The following KRT85 variants were observed in gnomAD, a reference collection of about 807,000 sequenced individuals.
KRT85 encodes keratin, type II cuticular Hb5.
KRT85 carries 39 observed loss-of-function variants against 53.7 expected under a neutral mutation model. That is an observed-to-expected ratio of 0.73 (90% CI 0.56 to 0.95). KRT85 has a LOEUF of 0.95. KRT85 is among the 40% of genes least tolerant of loss of function. The probability of loss-of-function intolerance (pLI) is 0.00; values close to 1 mark genes in which losing one functional copy is unlikely to be tolerated. For synonymous variants in KRT85, 291 were observed against 277.5 expected (o/e 1.05, Z -0.48); for missense variants, 668 against 686.0 (o/e 0.97, Z 0.29).
intron 4 of KRT85, 123 bp from the exon 5 acceptor site, chr12:52,363,533 T>G: frequency 9.9e-7 from 1 of 1,014,182 alleles, no homozygotes. Context: ...TGACTCCTGC[T>G]CCTACCACCT....
chr12:52,367,126 A>G lies in KRT85; in HGVS notation c.280T>C (p.Cys94Arg), dbSNP rs771243630. The G allele has an allele frequency of 6.2e-6, 10 of 1,613,402 alleles. No individual in the cohort carries two copies. The South Asian group carries it at 1.1e-4, about 18-fold the overall frequency. ...TCGTTGACCGACACGGTAGTGATGC[A>G]TGGGGGGCTGGGTCCGCACACGCCC... ...SGGVCGPSPP[C>R]ITTVSVNESL... The change falls in exon 1 of 9, where the codon TGC becomes CGC. Residue 94 changes from cysteine to arginine, a missense_variant. By Grantham distance (180) the Cys-to-Arg change is radical. Coordinates refer to ENST00000257901, the MANE Select transcript of KRT85 (RefSeq NM_002283.4).
Position 52,367,152 on chromosome 12 carries a change from C to G in KRT85, c.254G>C (p.Gly85Ala). 3.7e-6 allele frequency: 6 copies of G among 1,613,600 alleles called. No individual in the cohort carries two copies. The highest frequency in any genetic ancestry group is 5.1e-6 in the Non-Finnish European group (6 of 1,180,024). The change falls in exon 1 of 9, where the codon GGG (glycine) becomes GCG (alanine). Residue 85 changes from glycine to alanine, a missense_variant. Physicochemically the swap from Gly to Ala is moderately conservative, Grantham distance 60 (BLOSUM62 0). Transcript: ENST00000257901. ...TGGGGGGCTGGGTCCGCACACGCCCCCGGAGCGGTAGCCGAAGCTGCGTCC... is the reference window on the plus strand; with the variant it reads ...TGGGGGGCTGGGTCCGCACACGCCCGCGGAGCGGTAGCCGAAGCTGCGTCC... The part of the protein sequence containing the change: ...SCGRSFGYRS[G>A]GVCGPSPPCI...
In KRT85 at chr12:52,362,849, C is replaced by T. The variant is rs749071018; in HGVS notation, c.1077+5G>A. 2.5e-6 allele frequency: 4 copies of T among 1,614,050 alleles called. No individual in the cohort carries two copies. Among genetic ancestry groups the T allele is most frequent in the African/African-American group, 2.7e-5 (2 of 74,900 alleles). On this transcript the variant is annotated splice_donor_5th_base_variant and intron_variant, in intron 6 of 8. Coordinates refer to ENST00000257901, the MANE Select transcript of KRT85 (RefSeq NM_002283.4). ...CTGCGTATTTGAATCCTCCACAGAC[C>T]CCACCTGGCACTTGGCATTCTCAAT...
rs768974924 is a variant in KRT85 at position 52,364,294 on chromosome 12, C to T, written c.690+12G>A. The T allele has an allele frequency of 8.1e-6, 13 of 1,614,066 alleles. No homozygotes were observed. Among genetic ancestry groups the T allele is most frequent in the Non-Finnish European group, 1.0e-5 (12 of 1,180,024 alleles). On this transcript the variant is annotated intron_variant, in intron 3 of 8. Coordinates refer to ENST00000257901, the MANE Select transcript of KRT85 (RefSeq NM_002283.4). ...GGGCCCCCTCCTCCTTGCCCCATGA[C>T]CAGCCCCTCACCTTCTTTAGAACGA...
In KRT85 at chr12:52,367,144, A is replaced by G; in HGVS notation, c.262T>C (p.Cys88Arg). The G allele has an allele frequency of 6.2e-7, 1 of 1,613,478 alleles. No individual in the cohort carries two copies. Among genetic ancestry groups the G allele is most frequent in the Non-Finnish European group, 8.5e-7 (1 of 1,180,028 alleles). The change falls in exon 1 of 9, where the codon TGC becomes CGC. Residue 88 changes from cysteine (C) to arginine (R), a missense_variant. Cys to Arg is a radical substitution (Grantham distance 180). Around this residue, in one of 3 missense-constraint regions of KRT85, gnomAD observed 158 missense variants for 141.8 expected, o/e 1.11. Coordinates refer to ENST00000257901, the MANE Select transcript of KRT85 (RefSeq NM_002283.4). ...RSFGYRSGGVCGPSPPCITTV... is the reference protein window; with the variant it reads ...RSFGYRSGGVRGPSPPCITTV... ...GTGATGCATGGGGGGCTGGGTCCGCACACGCCCCCGGAGCGGTAGCCGAAG... is the reference window on the plus strand; with the variant it reads ...GTGATGCATGGGGGGCTGGGTCCGCGCACGCCCCCGGAGCGGTAGCCGAAG...
chr12:52,361,154 T>TCAG, intron 8 of KRT85, 108 bp from the exon 9 acceptor site: 1 of 969,810 alleles, frequency 1.0e-6, no homozygotes, highest in Non-Finnish European at 1.6e-6. Context: ...AAGGAATTGG[T>TCAG]GGTCAACAAT....
intron 1 of KRT85, among the ~76,000 whole-genome samples, chr12:52,366,382 T>C (rs1451505616): frequency 2.0e-5 from 3 of 152,254 alleles, no homozygotes; most frequent in Non-Finnish European, 4.4e-5. Flanking sequence ...GGCAGTCCTG[T>C]TATTCAGCAG....
At chr12:52,361,974 C>A (rs1485183576) in intron 7 of KRT85, among the ~76,000 whole-genome samples, 2 of 152,114 alleles carry the variant, frequency 1.3e-5, no homozygotes, top group African/African-American at 4.8e-5. Context: ...TTATTAACTG[C>A]GTAGCCATGA....
Position 52,367,421 on chromosome 12 carries a change from A to G in KRT85, c.-16T>C, listed in dbSNP as rs1324841181. 3.1e-6 allele frequency: 5 copies of G among 1,613,714 alleles called. No homozygotes were observed. The African/African-American group carries it at 5.3e-5, about 17-fold the overall frequency. On this transcript the variant is annotated 5_prime_UTR_variant, in exon 1 of 9. Transcript: ENST00000257901. ...GGCACGACATCGTGTGAGGCTGAGCAGAGTCTGAGAGGCAGCGGAAGGTGG... is the reference window on the plus strand; with the variant it reads ...GGCACGACATCGTGTGAGGCTGAGCGGAGTCTGAGAGGCAGCGGAAGGTGG...
At chr12:52,365,954 G>A (rs1939265530) in intron 1 of KRT85, among the ~76,000 whole-genome samples, 1 of 152,202 alleles carries the variant, frequency 6.6e-6, no homozygotes, top group African/African-American at 2.4e-5. Flanking sequence ...GATGGACTCA[G>A]ATCACTAAAG....
chr12:52,361,517 C>CT lies in KRT85; in HGVS notation c.1299-20dup. 1.2e-6 allele frequency: 2 copies of CT among 1,612,546 alleles called. No individual in the cohort carries two copies. The highest frequency in any genetic ancestry group is 1.7e-6 in the Non-Finnish European group (2 of 1,178,524). ...ACACAGCCTATGGAGAAAGAAAACT[C>CT]TGTTAGTTCCAGACACTGAGTTGGA... On this transcript the variant is annotated intron_variant, in intron 7 of 8. Transcript: ENST00000257901.
In KRT85 at chr12:52,360,739, T is replaced by C; in HGVS notation, c.*114A>G. ...TTCCCTCTGTAGGTCTTTCCCTCTG[T>C]AGGAACATCCAGAAGATTCTGGAAG... On this transcript the variant is annotated 3_prime_UTR_variant, in exon 9 of 9. Transcript: ENST00000257901. 8.0e-7 allele frequency: 1 copy of C among 1,243,446 alleles called. No homozygotes were observed. Among genetic ancestry groups the C allele is most frequent in the Non-Finnish European group, 1.2e-6 (1 of 850,436 alleles). 77.0% of individuals were successfully genotyped at this position (1,243,446 alleles called of 1,614,324 possible).
intron 5 of KRT85, 94 bp downstream of exon 5, chr12:52,363,152 G>A: frequency 6.4e-7 from 1 of 1,571,206 alleles, no homozygotes; most frequent in Non-Finnish European, 8.7e-7. Context: ...GTCCTCATGG[G>A]TCAGAATCCC....
chr12:52,367,148 G>C lies in KRT85; in HGVS notation c.258C>G (p.Gly86=). 6.2e-7 allele frequency: 1 copy of C among 1,613,498 alleles called. No homozygotes were observed. ...TGCATGGGGGGCTGGGTCCGCACAC[G>C]CCCCCGGAGCGGTAGCCGAAGCTGC... ...CGRSFGYRSG[G]VCGPSPPCIT... is the part of the protein sequence containing the mutation. The change falls in exon 1 of 9, where the codon GGC becomes GGG. Residue 86 remains glycine (G), a synonymous_variant. Transcript: ENST00000257901.
At position 52,360,535 on chromosome 12, in the gene KRT85, CTGGGGGA is replaced by C; in HGVS notation, c.*311_*317del. 1 of 390,828 alleles carries C rather than the reference CTGGGGGA, an allele frequency of 2.6e-6. No homozygotes were observed. Among genetic ancestry groups the C allele is most frequent in the Non-Finnish European group, 4.8e-6 (1 of 207,618 alleles). The allele number at this position is 390,828 out of a possible 1,614,324, so 24.2% of individuals were successfully genotyped here. On this transcript the variant is annotated 3_prime_UTR_variant, in exon 9 of 9. Coordinates refer to ENST00000257901, the MANE Select transcript of KRT85 (RefSeq NM_002283.4). The stretch of plus-strand genomic sequence containing the variant: ...TGGAGCTTCCGTGCTGACCACCACG[CTGGGGGA>C]CTGGTCTTGTCCCTGAGAGCTGGGG...
At position 52,361,078 on chromosome 12, in the gene KRT85, A is replaced by C. The variant is rs1313742922; in HGVS notation, c.1331-32T>G. 5 of 1,556,530 alleles carry C rather than the reference A, an allele frequency of 3.2e-6. No homozygotes were observed. In the African/African-American group the frequency reaches 6.8e-5, roughly 21 times the overall value. Reference sequence around the variant, plus strand: ...AGAGAGGAGACATGGAGGGGTGAGCAGCTCCCTGCAATCTCACCCACCCTA... The same window carrying C: ...AGAGAGGAGACATGGAGGGGTGAGCCGCTCCCTGCAATCTCACCCACCCTA... On this transcript the variant is annotated intron_variant, in intron 8 of 8. Transcript: ENST00000257901.
At chr12:52,364,209 CA>C in intron 3 of KRT85, 46 bp from the exon 4 acceptor site, 1 of 1,612,602 alleles carries the variant, frequency 6.2e-7, no homozygotes, top group South Asian at 1.1e-5. Flanking sequence ...GAGAGGAGAC[CA>C]AAGAAAGGTG....
rs1434623044 is a variant in KRT85 at position 52,363,406 on chromosome 12, A to G, written c.791T>C (p.Ile264Thr). The G allele has an allele frequency of 1.2e-6, 2 of 1,614,078 alleles. No individual in the cohort carries two copies. The highest frequency in any genetic ancestry group is 2.2e-5 in the South Asian group (2 of 91,064). The change falls in exon 5 of 9, where the codon ATC becomes ACC. Residue 264 changes from isoleucine to threonine, a missense_variant. Coordinates refer to ENST00000257901, the MANE Select transcript of KRT85 (RefSeq NM_002283.4). Reference sequence around the variant, plus strand: ...TGAGATGTGGGCTTGGAGAACGCGGATCTCCTGTGGGGCCAACAGCCAGTG... The same window carrying G: ...TGAGATGTGGGCTTGGAGAACGCGGGTCTCCTGTGGGGCCAACAGCCAGTG... ...SFLRRLYEEE[I>T]RVLQAHISDT...
At position 52,362,552 on chromosome 12, in the gene KRT85, G is replaced by A; in HGVS notation, c.1078-81C>T. 4 of 1,545,560 alleles carry A rather than the reference G, an allele frequency of 2.6e-6. No individual in the cohort carries two copies. The South Asian group carries it at 3.4e-5, about 13-fold the overall frequency. On this transcript the variant is annotated intron_variant, in intron 6 of 8. Coordinates refer to ENST00000257901, the MANE Select transcript of KRT85 (RefSeq NM_002283.4). ...ACCCAAGCTGATGGAGCCAGGGCAG[G>A]GAGAGGAGGGTCCTGGAGAGAAGGT... is the stretch of plus-strand genomic sequence containing the variant.
Sources: allele counts gnomAD v4.1 joint callset (sites outside exome capture counted in the v4.1 genomes callset), GRCh38; gene constraint gnomAD v4.1.1; regional missense constraint gnomAD v4.1.1; transcripts MANE v1.5; gene names NCBI Gene and HGNC (gene_info 2026-07-23, HGNC 2026-07-21).